Variants in HCN1 observed in about 807,000 individuals in gnomAD.
HCN1 encodes the protein hyperpolarization activated cyclic nucleotide gated potassium channel 1.
Under a neutral mutation model 78.9 loss-of-function variants are expected in HCN1, and 13 were observed. That is an observed-to-expected ratio of 0.16 (90% CI 0.11 to 0.26). HCN1 has a LOEUF of 0.26. Ranked by LOEUF, HCN1 falls within the 10% of genes least tolerant of loss-of-function variation. The pLI is 1.00. For synonymous variants in HCN1, 552 were observed against 455.5 expected (o/e 1.21, Z -2.70); for missense variants, 810 against 1,154.3 (o/e 0.70, Z 4.32).
intron 5 of HCN1, among the ~76,000 whole-genome samples, chr5:45,343,614 T>C (rs1461360499): frequency 6.6e-6 from 1 of 152,168 alleles, no homozygotes; most frequent in African/African-American, 2.4e-5. Context: ...AGAGAGACTT[T>C]AAGAGATAAA....
intron 5 of HCN1, among the ~76,000 whole-genome samples, chr5:45,337,201 T>C (rs1179035229): frequency 6.6e-6 from 1 of 152,042 alleles, no homozygotes; most frequent in Non-Finnish European, 1.5e-5. Context: ...CACGGAGAAC[T>C]TTTAAAAGTT....
chr5:45,536,435 T>C (rs2111815305), intron 2 of HCN1, among the ~76,000 whole-genome samples: 1 of 152,340 alleles, frequency 6.6e-6, no homozygotes, highest in Non-Finnish European at 1.5e-5. Flanking sequence ...CTTTATTTCC[T>C]GTCACCGCCA....
rs773048153 is a variant in HCN1, at chr5:45,262,288, T to C, written c.2306A>G (p.Lys769Arg). ...GSSTPKNEVHKSTQALHNTNL... is the reference protein window; with the variant it reads ...GSSTPKNEVHRSTQALHNTNL... ...GGTGTTGTGAAGCGCCTGCGTGCTC[T>C]TGTGCACTTCATTTTTCGGCGTGGA... Residue 769 changes from lysine to arginine, a missense_variant, in exon 8 of 8, where the codon AAG becomes AGG. By Grantham distance (26) the Lys-to-Arg change is conservative (BLOSUM62 2). Coordinates refer to ENST00000303230, the MANE Select transcript of HCN1 (RefSeq NM_021072.4). 6 of 1,614,024 alleles carry C rather than the reference T, an allele frequency of 3.7e-6. 1 individual carries two copies. Among genetic ancestry groups the C allele is most frequent in the South Asian group, 2.2e-5 (2 of 91,086 alleles).
chr5:45,694,902 AT>A (rs1160463321), intron 1 of HCN1, among the ~76,000 whole-genome samples: 3 of 152,162 alleles, frequency 2.0e-5, no homozygotes, highest in Admixed American at 2.0e-4. Context: ...CGTGAAAAAG[AT>A]TTTTGAAATA....
At chr5:45,421,115 T>G (rs905240099) in intron 3 of HCN1, among the ~76,000 whole-genome samples, 3 of 152,010 alleles carry the variant, frequency 2.0e-5, no homozygotes, top group East Asian at 3.9e-4. Flanking sequence ...CAGGCTGGAG[T>G]GCAGTGGTGC....
intron 2 of HCN1, among the ~76,000 whole-genome samples, chr5:45,515,612 A>T (rs532258666): frequency 6.6e-6 from 1 of 152,156 alleles, no homozygotes; most frequent in African/African-American, 2.4e-5. Flanking sequence ...AGGTTGGCTC[A>T]TGTACAAATA....
intron 5 of HCN1, among the ~76,000 whole-genome samples, chr5:45,334,094 T>G (rs965789626): frequency 6.6e-6 from 1 of 152,022 alleles, no homozygotes; most frequent in Middle Eastern, 3.4e-3. Flanking sequence ...ATGGTTATTA[T>G]AACTATAGAA....
At position 45,353,016 on chromosome 5, in the gene HCN1, G is replaced by C. The variant is rs138923073; in HGVS notation, c.1377+84C>G. The C allele has an allele frequency of 9.8e-5, 117 of 1,189,400 alleles. No individual in the cohort carries two copies. The East Asian group carries it at 2.6e-3, about 26-fold the overall frequency. The allele number at this position is 1,189,400 out of a possible 1,614,324, so 73.7% of individuals were successfully genotyped here. A position where few individuals can be genotyped will look rare whatever the true frequency, so the allele number is the denominator to read the frequency against. On this transcript the variant is annotated intron_variant, in intron 5 of 7. Transcript: ENST00000303230. Reference sequence around the variant, plus strand: ...TAATAAGTTTAGGTTTTTCTTTAGAGTAACGTGGACTAGAAGATTCTCCAT... The same window carrying C: ...TAATAAGTTTAGGTTTTTCTTTAGACTAACGTGGACTAGAAGATTCTCCAT...
rs1320842481 is a variant in HCN1 at position 45,373,748 on chromosome 5, A to G, written c.1231-20502T>C. 2.0e-4 allele frequency among the ~76,000 whole-genome samples: 24 copies of G among 122,190 alleles called. No homozygotes were observed. The Admixed American group carries it at 2.3e-3, about 12-fold the overall frequency. The allele number at this position is 122,190 out of a possible 152,430, so 80.2% of individuals were successfully genotyped here. A position where few individuals can be genotyped will look rare whatever the true frequency, so the allele number is the denominator to read the frequency against. ...GTATATACGTCATCTATAATATATT[A>G]CATACGGTATATACGTCATCTATAA... On this transcript the variant is annotated intron_variant, in intron 4 of 7. Transcript: ENST00000303230.
At chr5:45,309,030 C>A (rs1013038400) in intron 5 of HCN1, among the ~76,000 whole-genome samples, 5 of 152,078 alleles carry the variant, frequency 3.3e-5, no homozygotes, top group Non-Finnish European at 7.4e-5. Flanking sequence ...TTTGTATCAT[C>A]TCTGATTTCT....
At chr5:45,632,525 T>G (rs187734266) in intron 2 of HCN1, among the ~76,000 whole-genome samples, 2 of 152,142 alleles carry the variant, frequency 1.3e-5, no homozygotes, top group East Asian at 3.9e-4. Flanking sequence ...AGGAATTGAT[T>G]TCCTAAGAGT....
intron 2 of HCN1, among the ~76,000 whole-genome samples, chr5:45,518,869 T>A (rs945638715): frequency 5.3e-5 from 8 of 151,944 alleles, no homozygotes; most frequent in Non-Finnish European, 8.8e-5. Context: ...CTGAGTTTCC[T>A]AAGCTAAGAA....
intron 2 of HCN1, among the ~76,000 whole-genome samples, chr5:45,501,589 C>T (rs1043313268): frequency 1.3e-5 from 2 of 151,970 alleles, no homozygotes; most frequent in Admixed American, 6.6e-5. Flanking sequence ...TACAGGCACC[C>T]GCCACCACGC....
intron 2 of HCN1, among the ~76,000 whole-genome samples, chr5:45,539,651 C>T (rs994846244): frequency 1.1e-4 from 17 of 148,218 alleles, no homozygotes; most frequent in African/African-American, 3.7e-4. Context: ...GGTGACAGAG[C>T]GAGACTCTGT....
chr5:45,311,378 A>G (rs1414066202), intron 5 of HCN1, among the ~76,000 whole-genome samples: 1 of 152,194 alleles, frequency 6.6e-6, no homozygotes, highest in Non-Finnish European at 1.5e-5. Context: ...TTCAAATGTT[A>G]CTATTTAAAA....
At chr5:45,506,309 C>A (rs1053012671) in intron 2 of HCN1, among the ~76,000 whole-genome samples, 2 of 152,036 alleles carry the variant, frequency 1.3e-5, no homozygotes, top group East Asian at 1.9e-4. Context: ...TATGAACAAC[C>A]ACATTTTCTT....
At chr5:45,276,475 T>C (rs927014826) in intron 6 of HCN1, among the ~76,000 whole-genome samples, 12 of 151,964 alleles carry the variant, frequency 7.9e-5, no homozygotes, top group African/African-American at 2.9e-4. Context: ...GGGTAATGAG[T>C]TCATATAGCT....
intron 1 of HCN1, among the ~76,000 whole-genome samples, chr5:45,691,571 T>A (rs1243225179): frequency 6.6e-6 from 1 of 151,974 alleles, no homozygotes; most frequent in African/African-American, 2.4e-5. Flanking sequence ...TCACCTAACA[T>A]AGAAAAAAAA....
chr5:45,307,318 A>T (rs1357106808), intron 5 of HCN1, among the ~76,000 whole-genome samples: 2 of 152,154 alleles, frequency 1.3e-5, no homozygotes, highest in Non-Finnish European at 2.9e-5. Context: ...AAGTTGGAGA[A>T]TAATTACCAA....
Sources: gnomAD v4.1 joint callset for allele counts (sites outside exome capture counted in the v4.1 genomes callset) on GRCh38, gnomAD v4.1.1 for gene constraint, MANE v1.5 for transcripts, NCBI Gene and HGNC (gene_info 2026-07-23, HGNC 2026-07-21) for gene names.